Variants in AZIN1 observed in about 807,000 individuals in gnomAD.
The protein encoded by AZIN1 is ornithine decarboxylase antizyme inhibitor.
AZIN1 carries 12 observed loss-of-function variants against 47.4 expected under a neutral mutation model. The ratio of observed to expected loss-of-function variants is 0.25; its 90% confidence interval spans 0.16 to 0.41. The LOEUF (loss-of-function observed/expected upper bound fraction) is 0.41, where lower values mean the gene tolerates loss of function less well. Ranked by LOEUF, AZIN1 falls within the 10% of genes least tolerant of loss-of-function variation. The pLI is 1.00. For missense variants in AZIN1, 410 were observed against 532.4 expected (o/e 0.77, Z 2.26); for synonymous variants, 155 against 176.3 (o/e 0.88, Z 0.96).
intron 4 of AZIN1, 50 bp from the exon 5 acceptor site, chr8:102,838,966 C>G: frequency 6.6e-7 from 1 of 1,510,166 alleles, no homozygotes; most frequent in Non-Finnish European, 9.1e-7. Context: ...AGTTCATATT[C>G]TGGTAATGCT....
At chr8:102,836,561 G>C in intron 5 of AZIN1, 171 bp from the exon 6 acceptor site, 1 of 634,642 alleles carries the variant, frequency 1.6e-6, no homozygotes, top group Non-Finnish European at 2.7e-6. Context: ...GAAAAAACTA[G>C]CAATTAGGGC....
In AZIN1 at chr8:102,828,344, A is replaced by T. The variant is rs17775779; in HGVS notation, c.*223T>A. The stretch of plus-strand genomic sequence containing the variant: ...TTTTAAACGCTTAAGGGGTAGGACA[A>T]ACTGGTAGGTTTAAATCTGGATACA... On this transcript the variant is annotated 3_prime_UTR_variant, in exon 12 of 12. Transcript: ENST00000337198. 2,880 of 387,244 alleles carry T rather than the reference A, an allele frequency of 7.4e-3. 21 individuals are homozygous for T. Among genetic ancestry groups the T allele is most frequent in the Non-Finnish European group, 0.01 (2,200 of 214,644 alleles). 24.0% of individuals were successfully genotyped at this position (387,244 alleles called of 1,614,324 possible).
intron 1 of AZIN1, among the ~76,000 whole-genome samples, chr8:102,861,125 G>A (rs1360315206): frequency 6.6e-6 from 1 of 152,112 alleles, no homozygotes; most frequent in African/African-American, 2.4e-5. Context: ...CTGTAATAAC[G>A]TAAGATGTTA....
At chr8:102,840,278 C>T (rs1043417686) in intron 3 of AZIN1, among the ~76,000 whole-genome samples, 2 of 152,170 alleles carry the variant, frequency 1.3e-5, no homozygotes, top group Non-Finnish European at 2.9e-5. Flanking sequence ...TATATATCGC[C>T]ATTAAAACTG....
Position 102,843,552 on chromosome 8 carries a change from A to G in AZIN1, c.101T>C (p.Leu34Pro). Residue 34 changes from leucine to proline, a missense_variant and splice_region_variant, in exon 3 of 12, where the codon CTG becomes CCG. Physicochemically the swap from Leu to Pro is moderately conservative, Grantham distance 98. Transcript: ENST00000337198. ...VIDNYVYEHT[L>P]TGKNAFFVGD... ...CTGTATTTGAGAAATGGCACTTACC[A>G]GGGTATGTTCATAAACATAGTTATC... 6.2e-7 allele frequency: 1 copy of G among 1,609,774 alleles called. No individual in the cohort carries two copies. The highest frequency in any genetic ancestry group is 8.5e-7 in the Non-Finnish European group (1 of 1,176,286).
intron 2 of AZIN1, among the ~76,000 whole-genome samples, chr8:102,845,723 T>C (rs1193008753): frequency 6.6e-6 from 1 of 152,162 alleles, no homozygotes; most frequent in South Asian, 2.1e-4. Context: ...CACTAACCTT[T>C]TTGGCATAGC....
chr8:102,849,092 G>A (rs541438696), intron 2 of AZIN1, among the ~76,000 whole-genome samples: 1 of 152,150 alleles, frequency 6.6e-6, no homozygotes, highest in South Asian at 2.1e-4. Context: ...GGTTGAGATC[G>A]AGACCATCCT....
intron 2 of AZIN1, among the ~76,000 whole-genome samples, chr8:102,852,027 C>A (rs1812948221): frequency 6.6e-6 from 1 of 152,138 alleles, no homozygotes; most frequent in Non-Finnish European, 1.5e-5. Context: ...TGAAGGAGCT[C>A]TTCATGAATT....
chr8:102,829,684 C>A, intron 10 of AZIN1, 137 bp downstream of exon 10: 2 of 829,692 alleles, frequency 2.4e-6, no homozygotes, highest in Non-Finnish European at 1.9e-6. Flanking sequence ...AGGGACTCCA[C>A]CAGAAGAACG....
At chr8:102,838,543 AAATTCC>A (rs1811969599) in intron 5 of AZIN1, among the ~76,000 whole-genome samples, 195 bp downstream of exon 5, 1 of 152,194 alleles carries the variant, frequency 6.6e-6, no homozygotes, top group African/African-American at 2.4e-5. Flanking sequence ...TTATTTTTTT[AAATTCC>A]AATTCCACAT....
At chr8:102,831,844 A>G (rs1811483114) in intron 9 of AZIN1, among the ~76,000 whole-genome samples, 1 of 152,084 alleles carries the variant, frequency 6.6e-6, no homozygotes, top group African/African-American at 2.4e-5. Context: ...AGTCCCAGCT[A>G]TGCAAGAGGT....
At chr8:102,835,171 A>C (rs2916558) in intron 6 of AZIN1, 109,836 of 158,508 alleles carry the variant, frequency 0.69, 38,986 homozygotes, top group African/African-American at 0.85. Flanking sequence ...GAAATAAATA[A>C]AAATGAACAT....
rs773500593 is a variant in AZIN1 at position 102,829,944 on chromosome 8, A to G, written c.905-8T>C. On this transcript the variant is annotated splice_region_variant and splice_polypyrimidine_tract_variant and intron_variant, in intron 9 of 11. Coordinates refer to ENST00000337198, the MANE Select transcript of AZIN1 (RefSeq NM_148174.4). ...CACTTCCGGTTTTTTCTACTGGAAT[A>G]AAACAGGAAAGGGGAAAATGAATTT... The G allele has an allele frequency of 1.3e-6, 2 of 1,531,614 alleles. No homozygotes were observed. The highest frequency in any genetic ancestry group is 2.3e-5 in the South Asian group (2 of 85,216). The allele number at this position is 1,531,614 out of a possible 1,614,324, so 94.9% of individuals were successfully genotyped here. A position where few individuals can be genotyped will look rare whatever the true frequency, so the allele number is the denominator to read the frequency against.
At chr8:102,859,255 TC>T (rs1188373198) in intron 1 of AZIN1, 1 of 152,188 alleles carries the variant, frequency 6.6e-6, no homozygotes, top group African/African-American at 2.4e-5. Flanking sequence ...TCCATAACAT[TC>T]TGATTCTTTC....
At chr8:102,848,408 T>A (rs80187605) in intron 2 of AZIN1, among the ~76,000 whole-genome samples, 2,038 of 152,114 alleles carry the variant, frequency 0.013, 39 homozygotes, top group Middle Eastern at 0.041. Flanking sequence ...TCTTTTTTTG[T>A]TTTTCTCTTT....
chr8:102,836,489 G>T, intron 5 of AZIN1, 99 bp from the exon 6 acceptor site: 1 of 1,332,236 alleles, frequency 7.5e-7, no homozygotes, highest in Non-Finnish European at 1.1e-6. Flanking sequence ...TATGTTGCCA[G>T]TGCTCCCAAA....
Position 102,847,365 on chromosome 8 carries a change from A to C in AZIN1, c.-95-3618T>G, listed in dbSNP as rs553976272. Among the ~76,000 whole-genome samples the C allele has an allele frequency of 3.7e-4, 54 of 144,226 alleles. No homozygotes were observed. In the East Asian group the frequency reaches 0.015, roughly 40 times the overall value. 94.6% of individuals were successfully genotyped at this position (144,226 alleles called of 152,430 possible). A position where few individuals can be genotyped will look rare whatever the true frequency, so the allele number is the denominator to read the frequency against. The stretch of plus-strand genomic sequence containing the variant: ...ACCCATCTCTTAAAAAAAAAAAAAA[A>C]AAAACAATAAAGCTCTAATGGAGGT... On this transcript the variant is annotated intron_variant, in intron 2 of 11. Transcript: ENST00000337198.
chr8:102,849,119 C>T (rs1188641922), intron 2 of AZIN1, among the ~76,000 whole-genome samples: 1 of 152,074 alleles, frequency 6.6e-6, no homozygotes, highest in Non-Finnish European at 1.5e-5. Context: ...CATGGTGAAA[C>T]TTGTCTCTAC....
At chr8:102,833,781 C>T (rs1225458937) in intron 8 of AZIN1, among the ~76,000 whole-genome samples, 1 of 140,390 alleles carries the variant, frequency 7.1e-6, no homozygotes. Context: ...TTTTAAGTCC[C>T]AGCTACTTGG....
Sources: gnomAD v4.1 joint callset for allele counts (sites outside exome capture counted in the v4.1 genomes callset) on GRCh38, gnomAD v4.1.1 for gene constraint, MANE v1.5 for transcripts, NCBI Gene and HGNC (gene_info 2026-07-23, HGNC 2026-07-21) for gene names.